CDC123: variants seen among roughly 807,000 people sequenced by gnomAD.
CDC123 encodes cell division cycle 123.
A neutral mutation model predicts 54.4 loss-of-function variants in CDC123; 37 were observed. That is an observed-to-expected ratio of 0.68 (90% confidence interval 0.52 to 0.89). The LOEUF is 0.89. Ranked by LOEUF, CDC123 falls within the 40% of genes least tolerant of loss-of-function variation. The pLI, the probability that CDC123 is intolerant of heterozygous loss-of-function variation, is 0.00. For missense variants in CDC123, 361 were observed against 412.1 expected, an observed-to-expected ratio of 0.88 and a Z score of 1.07; for synonymous variants, 144 against 136.8, an observed-to-expected ratio of 1.05 and a Z score of -0.37.
rs543399140 is a variant in CDC123, at chr10:12,228,860, G to A, written c.441-2088G>A. Among the ~76,000 whole-genome samples, 314 of 152,316 alleles carry A rather than the reference G, an allele frequency of 2.1e-3. 1 individual carries two copies. The highest frequency in any genetic ancestry group is 3.4e-3 in the Non-Finnish European group (232 of 68,030). On this transcript the variant is annotated intron_variant, in intron 6 of 12. Coordinates refer to ENST00000281141, the MANE Select transcript of CDC123 (RefSeq NM_006023.3). The stretch of plus-strand genomic sequence containing the variant: ...GCTGGGATTATAGGCGTGAGCCACT[G>A]CGCCTGGCCACGCCTGGCTAATTTT...
At position 12,248,135 on chromosome 10, in the gene CDC123, A is replaced by G. The variant is rs117364762; in HGVS notation, c.847-1446A>G. On this transcript the variant is annotated intron_variant, in intron 11 of 12. Coordinates refer to ENST00000281141, the MANE Select transcript of CDC123 (RefSeq NM_006023.3). The stretch of plus-strand genomic sequence containing the variant: ...ACACATGCATAGACCTTTGTAAATA[A>G]ATGAAATCATACTACATACTCAATT... 2.3e-3 allele frequency among the ~76,000 whole-genome samples: 349 copies of G among 152,324 alleles called. 5 individuals are homozygous for G. In the East Asian group the frequency reaches 0.057, roughly 25 times the overall value.
At chr10:12,243,331 G>T (rs1836085335) in intron 10 of CDC123, among the ~76,000 whole-genome samples, 1 of 151,418 alleles carries the variant, frequency 6.6e-6, no homozygotes, top group Admixed American at 6.6e-5. Context: ...CCAGGAAGGG[G>T]AAGTTGCAGT....
At chr10:12,217,566 G>A (rs1394967705) in intron 6 of CDC123, 99 bp downstream of exon 6, 18 of 1,207,286 alleles carry the variant, frequency 1.5e-5, no homozygotes, top group African/African-American at 3.1e-5. Context: ...ATAAATCATA[G>A]CTCCATATAA....
chr10:12,212,497 G>C (rs1835615381), intron 4 of CDC123, among the ~76,000 whole-genome samples: 1 of 152,160 alleles, frequency 6.6e-6, no homozygotes, highest in African/African-American at 2.4e-5. Flanking sequence ...AATTGAAAAT[G>C]CTCCAAATTC....
At chr10:12,199,345 G>T (rs1448357250) in intron 2 of CDC123, among the ~76,000 whole-genome samples, 2 of 152,204 alleles carry the variant, frequency 1.3e-5, no homozygotes, top group African/African-American at 4.8e-5. Context: ...CTGCTCAGAA[G>T]TCACGTTATG....
intron 4 of CDC123, among the ~76,000 whole-genome samples, chr10:12,212,244 T>C (rs1028014662): frequency 6.6e-6 from 1 of 152,202 alleles, no homozygotes; most frequent in African/African-American, 2.4e-5. Flanking sequence ...GCCTGATGCC[T>C]TGATCTTGGT....
chr10:12,249,647 C>T lies in CDC123; in HGVS notation c.913C>T (p.Arg305Trp), dbSNP rs1230579204. Residue 305 changes from arginine (R) to tryptophan (W), a missense_variant, in exon 12 of 13, where the codon CGG becomes TGG. Physicochemically the swap from Arg to Trp is moderately radical, Grantham distance 101. Coordinates refer to ENST00000281141, the MANE Select transcript of CDC123 (RefSeq NM_006023.3). ...CCAGCCCAGCCCCTATTTGAGTTAC[C>T]GGCTACCCAAGGACTTTGTAGACCT... ...TVQPSPYLSY[R>W]LPKDFVDLST... 4 of 1,614,054 alleles carry T rather than the reference C, an allele frequency of 2.5e-6. No individual in the cohort carries two copies. Among genetic ancestry groups the T allele is most frequent in the Admixed American group, 1.7e-5 (1 of 59,990 alleles).
chr10:12,238,519 T>C (rs1309801051), intron 10 of CDC123, 34 bp downstream of exon 10: 6 of 1,602,168 alleles, frequency 3.7e-6, no homozygotes, highest in South Asian at 2.3e-5. Flanking sequence ...TGCTTTAATA[T>C]AAGAGCTGGT....
chr10:12,237,087 T>G, intron 8 of CDC123, 57 bp from the exon 9 acceptor site: 2 of 1,448,714 alleles, frequency 1.4e-6, no homozygotes, highest in Non-Finnish European at 9.1e-7. Context: ...AATCACGTAT[T>G]GATGTTTTTG....
In CDC123 at chr10:12,224,635, T is replaced by G. The variant is rs118155365; in HGVS notation, c.441-6313T>G. Among the ~76,000 whole-genome samples, 127 of 152,330 alleles carry G rather than the reference T, an allele frequency of 8.3e-4. 1 individual carries two copies. The highest frequency in any genetic ancestry group is 2.0e-3 in the Admixed American group (30 of 15,298). On this transcript the variant is annotated intron_variant, in intron 6 of 12. Coordinates refer to ENST00000281141, the MANE Select transcript of CDC123 (RefSeq NM_006023.3). ...TTTGAATTCAACATAAGAGCCTCCTTTCAGCTTAGACTACAAATTAGTGAC... is the reference window on the plus strand; with the variant it reads ...TTTGAATTCAACATAAGAGCCTCCTGTCAGCTTAGACTACAAATTAGTGAC...
intron 4 of CDC123, among the ~76,000 whole-genome samples, chr10:12,210,966 T>G (rs1355275864): frequency 6.6e-6 from 1 of 152,138 alleles, no homozygotes; most frequent in Non-Finnish European, 1.5e-5. Context: ...CCTCCCAAAG[T>G]CCTGAGATTA....
chr10:12,215,810 C>T lies in CDC123; in HGVS notation c.308C>T (p.Pro103Leu). 6.2e-7 allele frequency: 1 copy of T among 1,611,606 alleles called. No homozygotes were observed. Among genetic ancestry groups the T allele is most frequent in the Non-Finnish European group, 8.5e-7 (1 of 1,179,064 alleles). The stretch of plus-strand genomic sequence containing the variant: ...AATTCCCTCGGGGGCAGTGTCTTTC[C>T]TAAGCTTAATTGGAGTGCCCCAAGG... ...AINSLGGSVF[P>L]KLNWSAPRDA... The change falls in exon 5 of 13, where the codon CCT (proline) becomes CTT (leucine). Residue 103 changes from proline to leucine, a missense_variant. Coordinates refer to ENST00000281141, the MANE Select transcript of CDC123 (RefSeq NM_006023.3).
At chr10:12,223,945 G>A (rs1835770549) in intron 6 of CDC123, among the ~76,000 whole-genome samples, 1 of 151,994 alleles carries the variant, frequency 6.6e-6, no homozygotes, top group Admixed American at 6.6e-5. Flanking sequence ...TGATTTCTGA[G>A]CTTTTGGTGC....
chr10:12,223,821 T>C (rs1241496739), intron 6 of CDC123, among the ~76,000 whole-genome samples: 1 of 152,214 alleles, frequency 6.6e-6, no homozygotes, highest in East Asian at 1.9e-4. Context: ...AAGGGATGTG[T>C]AATTATCTGT....
intron 2 of CDC123, among the ~76,000 whole-genome samples, chr10:12,199,961 A>G (rs1348037015): frequency 6.6e-6 from 1 of 151,252 alleles, no homozygotes; most frequent in African/African-American, 2.4e-5. Context: ...AGCTGGGACT[A>G]CAGGCGCCCA....
intron 6 of CDC123, among the ~76,000 whole-genome samples, chr10:12,223,763 T>C (rs1327240784): frequency 6.6e-6 from 1 of 152,254 alleles, no homozygotes; most frequent in Non-Finnish European, 1.5e-5. Context: ...CCTTTTATTT[T>C]TTTTTGGTAA....
At chr10:12,228,991 A>C (rs1318895510) in intron 6 of CDC123, among the ~76,000 whole-genome samples, 1 of 152,218 alleles carries the variant, frequency 6.6e-6, no homozygotes, top group African/African-American at 2.4e-5. Flanking sequence ...CTGGGAGTAC[A>C]GGCGTGAGCC....
In CDC123 at chr10:12,246,291, A is replaced by G. The variant is rs1836136238; in HGVS notation, c.846+14A>G. 3.7e-6 allele frequency: 6 copies of G among 1,613,862 alleles called. No homozygotes were observed. The highest frequency in any genetic ancestry group is 5.1e-6 in the Non-Finnish European group (6 of 1,179,886). On this transcript the variant is annotated intron_variant, in intron 11 of 12. Coordinates refer to ENST00000281141, the MANE Select transcript of CDC123 (RefSeq NM_006023.3). ...GCTCAAGAGCAGGTACAACATTTTTAAGACAGATACAATGTAAACCTTTCC... is the reference window on the plus strand; with the variant it reads ...GCTCAAGAGCAGGTACAACATTTTTGAGACAGATACAATGTAAACCTTTCC...
Position 12,226,599 on chromosome 10 carries a change from C to T in CDC123, c.441-4349C>T, listed in dbSNP as rs990305112. Reference sequence around the variant, plus strand: ...AGACAGCGTCGCGGCTGGGCAGAGGCGCTCCTCACATCCCAGACGGGGCGG... The same window carrying T: ...AGACAGCGTCGCGGCTGGGCAGAGGTGCTCCTCACATCCCAGACGGGGCGG... On this transcript the variant is annotated intron_variant, in intron 6 of 12. Coordinates refer to ENST00000281141, the MANE Select transcript of CDC123 (RefSeq NM_006023.3). Among the ~76,000 whole-genome samples the T allele has an allele frequency of 5.1e-4, 77 of 150,228 alleles. 1 individual carries two copies. The Middle Eastern group carries it at 0.01, about 20-fold the overall frequency.
Sources: allele counts gnomAD v4.1 joint callset (sites outside exome capture counted in the v4.1 genomes callset), GRCh38; gene constraint gnomAD v4.1.1; transcripts MANE v1.5; gene names NCBI Gene and HGNC (gene_info 2026-07-23, HGNC 2026-07-21).